Variants in NEDD4L observed in about 807,000 individuals in gnomAD.
The protein encoded by NEDD4L is E3 ubiquitin-protein ligase NEDD4-like.
NEDD4L carries 54 observed loss-of-function variants against 148.9 expected under a neutral mutation model. That is an observed-to-expected ratio of 0.36 (90% CI 0.29 to 0.45). NEDD4L has a LOEUF of 0.45. Ranked by LOEUF, NEDD4L falls within the 20% of genes least tolerant of loss-of-function variation. NEDD4L has a pLI of 1.00. For missense variants in NEDD4L, 856 were observed against 1,233.8 expected, an observed-to-expected ratio of 0.69 and a Z score of 4.59; for synonymous variants, 433 against 440.7, an observed-to-expected ratio of 0.98 and a Z score of 0.22.
chr18:58,295,810 G>A (rs1180116354), intron 5 of NEDD4L, among the ~76,000 whole-genome samples: 1 of 152,028 alleles, frequency 6.6e-6, no homozygotes, highest in Non-Finnish European at 1.5e-5. Context: ...TAAAAAGGGG[G>A]CAAGATTTTT....
At chr18:58,134,808 G>A (rs886653701) in intron 1 of NEDD4L, among the ~76,000 whole-genome samples, 4 of 145,736 alleles carry the variant, frequency 2.7e-5, no homozygotes, top group South Asian at 2.1e-4. Flanking sequence ...AACCTGAGGC[G>A]AATGAAGGGG....
chr18:58,135,545 T>C (rs1356726155), intron 1 of NEDD4L, among the ~76,000 whole-genome samples: 1 of 152,220 alleles, frequency 6.6e-6, no homozygotes, highest in African/African-American at 2.4e-5. Flanking sequence ...ACTTTCTTCT[T>C]CTCTACAAGC....
At position 58,367,785 on chromosome 18, in the gene NEDD4L, C is replaced by T. The variant is rs1300835335; in HGVS notation, c.2103C>T (p.Leu701=). Residue 701 remains leucine, a synonymous_variant, in exon 22 of 31, where the codon CTC becomes CTT. Coordinates refer to ENST00000400345, the MANE Select transcript of NEDD4L (RefSeq NM_001144967.3). ...TTCAGATCAACCCTAATTCAGGCCT[C>T]TGTAATGAGGATCATTTGTCCTACT... is the stretch of plus-strand genomic sequence containing the variant. ...YTLQINPNSG[L]CNEDHLSYFT... The T allele has an allele frequency of 6.2e-7, 1 of 1,613,880 alleles. No individual in the cohort carries two copies. The highest frequency in any genetic ancestry group is 1.7e-5 in the Admixed American group (1 of 60,034).
intron 1 of NEDD4L, among the ~76,000 whole-genome samples, chr18:58,055,803 C>T (rs1045908817): frequency 6.6e-5 from 10 of 152,298 alleles, no homozygotes; most frequent in South Asian, 2.1e-4. Context: ...ACTCCAGTTG[C>T]GTGAAAGTAA....
chr18:58,259,090 A>AC (rs1209383349), intron 5 of NEDD4L, among the ~76,000 whole-genome samples: 1 of 152,210 alleles, frequency 6.6e-6, no homozygotes, highest in African/African-American at 2.4e-5. Flanking sequence ...GATTCATTTG[A>AC]CAACGTGCTC....
At chr18:58,300,907 T>A (rs1429963758) in intron 5 of NEDD4L, among the ~76,000 whole-genome samples, 1 of 152,244 alleles carries the variant, frequency 6.6e-6, no homozygotes, top group East Asian at 1.9e-4. Context: ...AGTTAAACTT[T>A]GTCCAAAATA....
intron 1 of NEDD4L, among the ~76,000 whole-genome samples, chr18:58,093,626 G>A (rs2145344318): frequency 6.6e-6 from 1 of 152,230 alleles, no homozygotes; most frequent in East Asian, 1.9e-4. Context: ...CTTTCTCACG[G>A]AAAGAAGTGC....
intron 2 of NEDD4L, among the ~76,000 whole-genome samples, chr18:58,231,690 G>A (rs764731162): frequency 6.6e-5 from 10 of 152,138 alleles, no homozygotes; most frequent in Non-Finnish European, 1.0e-4. Context: ...AGCCTCCCAA[G>A]TAGCTGGGAT....
intron 2 of NEDD4L, among the ~76,000 whole-genome samples, chr18:58,190,845 G>A (rs531270885): frequency 1.6e-4 from 24 of 152,160 alleles, no homozygotes; most frequent in Non-Finnish European, 2.8e-4. Context: ...TGATAAAAAG[G>A]CTGGGTATGG....
At chr18:58,361,407 A>G (rs111372506) in intron 19 of NEDD4L, among the ~76,000 whole-genome samples, 250 of 152,354 alleles carry the variant, frequency 1.6e-3, no homozygotes, top group East Asian at 2.5e-3. Flanking sequence ...TGCTGCTGTC[A>G]TGAACACTAT....
chr18:58,222,134 GA>G (rs527829319), intron 2 of NEDD4L, among the ~76,000 whole-genome samples: 239 of 152,266 alleles, frequency 1.6e-3, no homozygotes, highest in Non-Finnish European at 2.6e-3. Context: ...GAAGTTCTAT[GA>G]ATGAGGTTTT....
intron 1 of NEDD4L, among the ~76,000 whole-genome samples, chr18:58,086,422 G>A (rs1000630132): frequency 6.6e-6 from 1 of 152,218 alleles, no homozygotes; most frequent in African/African-American, 2.4e-5. Context: ...CTGGCAGGTT[G>A]AGGAGCAGGG....
At chr18:58,368,597 A>C (rs2046413654) in intron 22 of NEDD4L, among the ~76,000 whole-genome samples, 1 of 152,230 alleles carries the variant, frequency 6.6e-6, no homozygotes. Flanking sequence ...TTGACATTGC[A>C]GTAACTTATA....
At chr18:58,248,985 C>T (rs1322297593) in intron 4 of NEDD4L, 48 bp downstream of exon 4, 14 of 876,014 alleles carry the variant, frequency 1.6e-5, no homozygotes, top group African/African-American at 1.2e-4. Context: ...ACGTCTAGGT[C>T]GATTATCACA....
intron 14 of NEDD4L, 87 bp downstream of exon 14, chr18:58,341,256 T>G: frequency 2.8e-6 from 4 of 1,446,838 alleles, no homozygotes; most frequent in Non-Finnish European, 3.7e-6. Context: ...GTTTATGTAT[T>G]GTTCTGAAAG....
At chr18:58,212,929 T>C (rs370632318) in intron 2 of NEDD4L, among the ~76,000 whole-genome samples, 1 of 149,276 alleles carries the variant, frequency 6.7e-6, no homozygotes, top group African/African-American at 2.5e-5. Flanking sequence ...AGAATGTTAA[T>C]ATAGAATACA....
intron 2 of NEDD4L, among the ~76,000 whole-genome samples, chr18:58,222,666 A>G (rs186644504): frequency 7.2e-5 from 11 of 152,362 alleles, no homozygotes; most frequent in Admixed American, 7.2e-4. Flanking sequence ...ACACCTTCGT[A>G]TTAATGAGCC....
At chr18:58,347,343 G>A (rs966033856) in intron 16 of NEDD4L, among the ~76,000 whole-genome samples, 3 of 151,644 alleles carry the variant, frequency 2.0e-5, no homozygotes, top group Admixed American at 1.3e-4. Flanking sequence ...CCTCTTTCAT[G>A]TAATAGCAGT....
intron 1 of NEDD4L, among the ~76,000 whole-genome samples, chr18:58,048,634 A>G (rs894586462): frequency 6.6e-6 from 1 of 152,244 alleles, no homozygotes; most frequent in East Asian, 1.9e-4. Context: ...TGTAAGAGAA[A>G]TAAACACCAC....
Sources: gnomAD v4.1 joint callset for allele counts (sites outside exome capture counted in the v4.1 genomes callset) on GRCh38, gnomAD v4.1.1 for gene constraint, MANE v1.5 for transcripts, NCBI Gene and HGNC (gene_info 2026-07-23, HGNC 2026-07-21) for gene names.